CTNNA2: variants seen among roughly 807,000 people sequenced by gnomAD.
CTNNA2 encodes catenin alpha 2.
Under a neutral mutation model 101.0 loss-of-function variants are expected in CTNNA2, and 42 were observed. That is an observed-to-expected ratio of 0.42 (90% CI 0.32 to 0.54). CTNNA2 has a LOEUF of 0.54. Ranked by LOEUF, CTNNA2 falls within the 20% of genes least tolerant of loss-of-function variation. The pLI is 0.14. For synonymous variants in CTNNA2, 450 were observed against 456.4 expected, an observed-to-expected ratio of 0.99 and a Z score of 0.18; for missense variants, 871 against 1,223.1, an observed-to-expected ratio of 0.71 and a Z score of 4.29.
chr2:80,504,098 G>T (rs1688078074), intron 9 of CTNNA2, among the ~76,000 whole-genome samples: 2 of 152,300 alleles, frequency 1.3e-5, no homozygotes, highest in African/African-American at 4.8e-5. Flanking sequence ...TAGGTTGTCT[G>T]CCCAGGGCCT....
At chr2:80,644,376 G>A (rs555321381) in intron 18 of CTNNA2, among the ~76,000 whole-genome samples, 24 of 152,156 alleles carry the variant, frequency 1.6e-4, no homozygotes, top group Admixed American at 4.6e-4. Context: ...TGTTGAAAAC[G>A]CCATCATTAC....
intron 4 of CTNNA2, among the ~76,000 whole-genome samples, chr2:79,866,204 G>T (rs891953367): frequency 2.6e-5 from 4 of 152,210 alleles, no homozygotes; most frequent in Non-Finnish European, 5.9e-5. Context: ...TTTAAGAGTT[G>T]TAAGTGACAA....
intron 2 of CTNNA2, among the ~76,000 whole-genome samples, chr2:79,266,435 C>G (rs1674987807): frequency 6.6e-6 from 1 of 152,164 alleles, no homozygotes; most frequent in African/African-American, 2.4e-5. Context: ...ATTCCTTTTC[C>G]TCATACATCT....
At chr2:80,588,265 C>A (rs1424280861) in intron 14 of CTNNA2, among the ~76,000 whole-genome samples, 1 of 152,150 alleles carries the variant, frequency 6.6e-6, no homozygotes, top group African/African-American at 2.4e-5. Flanking sequence ...CACTTCAGCA[C>A]CATGCTTGGA....
intron 4 of CTNNA2, among the ~76,000 whole-genome samples, chr2:79,504,727 G>C (rs1335803698): frequency 1.3e-5 from 2 of 152,064 alleles, no homozygotes; most frequent in African/African-American, 4.8e-5. Context: ...ATTATATAAA[G>C]AGTGGATGCA....
chr2:79,990,263 T>C (rs6709837), intron 7 of CTNNA2, among the ~76,000 whole-genome samples: 6,031 of 152,214 alleles, frequency 0.04, 371 homozygotes, highest in African/African-American at 0.14. Flanking sequence ...GGCAGCCCCT[T>C]AGAACTCCCT....
At chr2:80,448,246 A>G (rs539208934) in intron 9 of CTNNA2, among the ~76,000 whole-genome samples, 1 of 152,348 alleles carries the variant, frequency 6.6e-6, no homozygotes, top group South Asian at 2.1e-4. Flanking sequence ...CATTTCATTC[A>G]GCAGCCTGGA....
intron 7 of CTNNA2, among the ~76,000 whole-genome samples, chr2:79,914,587 A>T (rs892711422): frequency 6.6e-6 from 1 of 151,874 alleles, no homozygotes; most frequent in Non-Finnish European, 1.5e-5. Flanking sequence ...TGTAGCTCGA[A>T]TTTTTTTTAA....
At chr2:80,432,597 T>G (rs1427936971) in intron 9 of CTNNA2, among the ~76,000 whole-genome samples, 1 of 152,156 alleles carries the variant, frequency 6.6e-6, no homozygotes, top group Admixed American at 6.5e-5. Flanking sequence ...ACTGACAGAT[T>G]GTTATTTTTT....
chr2:79,371,454 A>G (rs1472945314), intron 3 of CTNNA2, among the ~76,000 whole-genome samples: 1 of 152,004 alleles, frequency 6.6e-6, no homozygotes. Context: ...CGGAGTGGGA[A>G]ACAGAAGACA....
At chr2:79,255,879 G>T (rs80289461) in intron 2 of CTNNA2, among the ~76,000 whole-genome samples, 1 of 152,046 alleles carries the variant, frequency 6.6e-6, no homozygotes, top group Non-Finnish European at 1.5e-5. Context: ...GGGACCTAAC[G>T]CTCCTCAAAG....
intron 2 of CTNNA2, among the ~76,000 whole-genome samples, chr2:79,280,199 C>G (rs1041808326): frequency 4.6e-5 from 7 of 152,090 alleles, no homozygotes; most frequent in African/African-American, 1.7e-4. Context: ...TCTTTTTCCT[C>G]TTATATACCC....
At position 80,154,296 on chromosome 2, in the gene CTNNA2, T is replaced by C. The variant is rs191014484; in HGVS notation, c.1057-238915T>C. Among the ~76,000 whole-genome samples the C allele has an allele frequency of 3.3e-5, 5 of 152,204 alleles. No individual in the cohort carries two copies. In the East Asian group the frequency reaches 7.7e-4, roughly 24 times the overall value. ...GGCATCTCAGAAGGGCCTCTAGCTA[T>C]TGGAAAGGTGAATCGCCCGTTGGTT... On this transcript the variant is annotated intron_variant, in intron 7 of 18. Coordinates refer to ENST00000402739, the MANE Select transcript of CTNNA2 (RefSeq NM_001282597.3).
intron 1 of CTNNA2, chr2:79,185,658 C>T (rs912535017): frequency 2.0e-5 from 3 of 152,120 alleles, no homozygotes; most frequent in Non-Finnish European, 4.4e-5. Flanking sequence ...AGTACTTCTA[C>T]AATTCATGGG....
intron 2 of CTNNA2, among the ~76,000 whole-genome samples, chr2:79,235,840 C>G (rs1186455885): frequency 6.6e-6 from 1 of 152,210 alleles, no homozygotes; most frequent in Non-Finnish European, 1.5e-5. Flanking sequence ...GCTGGAAGCT[C>G]TAGCAGGTGT....
chr2:80,127,353 A>G (rs1403629626), intron 7 of CTNNA2, among the ~76,000 whole-genome samples: 1 of 152,204 alleles, frequency 6.6e-6, no homozygotes, highest in African/African-American at 2.4e-5. Context: ...AACTCCAGCT[A>G]TGCCTTTTGG....
At chr2:80,077,819 G>A (rs923131567) in intron 7 of CTNNA2, among the ~76,000 whole-genome samples, 1 of 152,162 alleles carries the variant, frequency 6.6e-6, no homozygotes, top group African/African-American at 2.4e-5. Context: ...CGTGAGAGAG[G>A]GCACAGGGAG....
intron 1 of CTNNA2, among the ~76,000 whole-genome samples, chr2:79,516,143 CTG>C (rs1386245872): frequency 1.3e-5 from 2 of 152,116 alleles, no homozygotes; most frequent in East Asian, 3.9e-4. Flanking sequence ...CAATTTAAAT[CTG>C]TTTTTTCATC....
chr2:79,941,595 A>G (rs1688167559), intron 7 of CTNNA2, among the ~76,000 whole-genome samples: 1 of 152,178 alleles, frequency 6.6e-6, no homozygotes, highest in African/African-American at 2.4e-5. Context: ...AAACCACACG[A>G]TTGTAGAACA....
Sources: allele counts gnomAD v4.1 joint callset (sites outside exome capture counted in the v4.1 genomes callset), GRCh38; gene constraint gnomAD v4.1.1; transcripts MANE v1.5; gene names NCBI Gene and HGNC (gene_info 2026-07-23, HGNC 2026-07-21).